Variants in RBFOX2 observed in about 807,000 individuals in gnomAD.
RBFOX2 encodes the protein RNA binding protein fox-1 homolog 2.
RBFOX2 carries 10 observed loss-of-function variants against 49.1 expected under a neutral mutation model. The ratio of observed to expected loss-of-function variants is 0.20; its 90% CI spans 0.13 to 0.35. RBFOX2 has a LOEUF of 0.35. RBFOX2 is among the 10% of genes least tolerant of loss of function. RBFOX2 has a pLI of 1.00. For missense variants in RBFOX2, 323 were observed against 486.9 expected (o/e 0.66, Z 3.17); for synonymous variants, 183 against 187.4 (o/e 0.98, Z 0.19).
intron 1 of RBFOX2, chr22:35,997,461 A>C (rs1040570605): frequency 1.3e-5 from 2 of 152,238 alleles, no homozygotes; most frequent in Admixed American, 6.5e-5. Flanking sequence ...TCTGCTCCCT[A>C]GTGTGGCCCT....
intron 1 of RBFOX2, among the ~76,000 whole-genome samples, chr22:35,853,372 T>G (rs1375772140): frequency 2.6e-5 from 4 of 151,968 alleles, no homozygotes; most frequent in Non-Finnish European, 5.9e-5. Context: ...TAAATGAAAT[T>G]ATATAGGGGT....
At position 35,882,080 on chromosome 22, in the gene RBFOX2, A is replaced by G. The variant is rs565816948; in HGVS notation, c.-34+56767T>C. ...CCCGGCTGGTAAAACTTTCCTGGTT[A>G]GCTGAGAACTAAAGCCATGAGAGTG... On this transcript the variant is annotated intron_variant, in intron 1 of 13. Transcript: ENST00000359369. Among the ~76,000 whole-genome samples the G allele has an allele frequency of 2.3e-4, 35 of 152,346 alleles. No individual in the cohort carries two copies. The South Asian group carries it at 3.7e-3, about 16-fold the overall frequency.
At chr22:36,009,828 T>C (rs979130475) in intron 1 of RBFOX2, among the ~76,000 whole-genome samples, 2 of 152,166 alleles carry the variant, frequency 1.3e-5, no homozygotes, top group Non-Finnish European at 2.9e-5. Flanking sequence ...ATCCAAGCAG[T>C]GTATTAAAAT....
intron 1 of RBFOX2, among the ~76,000 whole-genome samples, chr22:35,968,363 C>A (rs1050248776): frequency 2.6e-5 from 4 of 152,142 alleles, no homozygotes; most frequent in African/African-American, 9.7e-5. Flanking sequence ...TAGAATTATG[C>A]GCCTCTCTTA....
At chr22:35,971,065 G>A (rs1371456494) in intron 1 of RBFOX2, among the ~76,000 whole-genome samples, 1 of 152,152 alleles carries the variant, frequency 6.6e-6, no homozygotes, top group African/African-American at 2.4e-5. Context: ...GCCTGCAGCT[G>A]AGTGTCACCA....
chr22:35,767,650 G>GT (rs1163179457), intron 5 of RBFOX2, among the ~76,000 whole-genome samples: 3 of 152,094 alleles, frequency 2.0e-5, no homozygotes, highest in Non-Finnish European at 4.4e-5. Flanking sequence ...CATACCCTCT[G>GT]TTTAAGAATT....
chr22:35,807,574 C>A (rs1477997664), intron 2 of RBFOX2, among the ~76,000 whole-genome samples: 1 of 151,716 alleles, frequency 6.6e-6, no homozygotes, highest in African/African-American at 2.4e-5. Context: ...CAATATAGAT[C>A]ATATTTTACG....
At chr22:35,826,789 A>G (rs1955841393) in intron 1 of RBFOX2, among the ~76,000 whole-genome samples, 1 of 152,218 alleles carries the variant, frequency 6.6e-6, no homozygotes, top group Non-Finnish European at 1.5e-5. Flanking sequence ...AACTTAACAA[A>G]TCAGGCACAG....
At chr22:35,873,522 C>G (rs1194175263) in intron 1 of RBFOX2, among the ~76,000 whole-genome samples, 1 of 152,194 alleles carries the variant, frequency 6.6e-6, no homozygotes, top group South Asian at 2.1e-4. Context: ...TACAATAGTA[C>G]TAGTGACAAT....
chr22:35,975,495 G>C (rs2150031808), intron 1 of RBFOX2, among the ~76,000 whole-genome samples: 2 of 152,248 alleles, frequency 1.3e-5, no homozygotes, highest in Admixed American at 1.3e-4. Context: ...GCCTAACACA[G>C]TGCCTGATTT....
intron 1 of RBFOX2, among the ~76,000 whole-genome samples, chr22:35,970,270 A>T (rs2056796123): frequency 6.6e-6 from 1 of 152,182 alleles, no homozygotes; most frequent in Admixed American, 6.5e-5. Flanking sequence ...ATATTTCAGC[A>T]TCCAAACTCT....
intron 1 of RBFOX2, among the ~76,000 whole-genome samples, chr22:36,018,930 A>G (rs1161558132): frequency 3.9e-5 from 6 of 152,112 alleles, no homozygotes; most frequent in Admixed American, 3.9e-4. Context: ...GCTCTTTTAG[A>G]TAGATCACTG....
chr22:35,997,394 A>G (rs2058237094), intron 1 of RBFOX2: 1 of 152,272 alleles, frequency 6.6e-6, no homozygotes, highest in Non-Finnish European at 1.5e-5. Context: ...CCCACCTGCC[A>G]TCAATAACAC....
At chr22:35,753,398 T>C (rs1569239077) in intron 9 of RBFOX2, among the ~76,000 whole-genome samples, 3 of 152,244 alleles carry the variant, frequency 2.0e-5, no homozygotes, top group Non-Finnish European at 4.4e-5. Context: ...AACTCAGTAG[T>C]TACCTCATAA....
intron 1 of RBFOX2, among the ~76,000 whole-genome samples, chr22:35,854,233 A>ATAG (rs993228614): frequency 2.6e-5 from 4 of 151,792 alleles, no homozygotes; most frequent in Non-Finnish European, 5.9e-5. Context: ...AATAATAATA[A>ATAG]TACGACCACA....
intron 10 of RBFOX2, 144 bp from the exon 13 acceptor site, chr22:35,746,139 C>T (rs1430207177): frequency 1.3e-6 from 1 of 761,378 alleles, no homozygotes; most frequent in Non-Finnish European, 2.2e-6. Flanking sequence ...TAGGAAAAAA[C>T]CTTTCTATTT....
At chr22:35,874,407 C>T (rs958873830) in intron 1 of RBFOX2, among the ~76,000 whole-genome samples, 2 of 151,852 alleles carry the variant, frequency 1.3e-5, no homozygotes, top group African/African-American at 4.8e-5. Context: ...TTGTCAAAAA[C>T]ATGTCCAATT....
intron 6 of RBFOX2, among the ~76,000 whole-genome samples, chr22:35,764,518 G>C (rs907119091): frequency 6.7e-6 from 1 of 149,746 alleles, no homozygotes; most frequent in Non-Finnish European, 1.5e-5. Flanking sequence ...CTGGGAAGCA[G>C]AGCTTGCAGT....
intron 1 of RBFOX2, among the ~76,000 whole-genome samples, chr22:36,024,523 C>G (rs2146573076): frequency 1.3e-5 from 2 of 152,166 alleles, no homozygotes; most frequent in Admixed American, 1.3e-4. Flanking sequence ...AGGCGATCAC[C>G]TGAGGTCAGG....
Sources: allele counts gnomAD v4.1 joint callset (sites outside exome capture counted in the v4.1 genomes callset), GRCh38; gene constraint gnomAD v4.1.1; transcripts MANE v1.5; gene names NCBI Gene and HGNC (gene_info 2026-07-23, HGNC 2026-07-21).